The following PRKN variants were observed in gnomAD, a reference collection of about 807,000 sequenced individuals.
The protein encoded by PRKN is E3 ubiquitin-protein ligase parkin.
Under a neutral mutation model 59.5 loss-of-function variants are expected in PRKN, and 56 were observed. The observed-to-expected ratio is 0.94, with a 90% confidence interval of 0.76 to 1.18. The LOEUF (loss-of-function observed/expected upper bound fraction) is 1.18, where lower values mean the gene tolerates loss of function less well. Ranked by LOEUF, PRKN falls within the 50% of genes most tolerant of loss-of-function variation. The probability of loss-of-function intolerance (pLI) is 0.00; values close to 1 mark genes in which losing one functional copy is unlikely to be tolerated. For missense variants in PRKN, 657 were observed against 596.4 expected (o/e 1.10, Z -1.06); for synonymous variants, 250 against 222.1 (o/e 1.13, Z -1.12).
chr6:162,170,093 T>G (rs967192551), intron 4 of PRKN, among the ~76,000 whole-genome samples: 5 of 152,144 alleles, frequency 3.3e-5, no homozygotes, highest in Non-Finnish European at 7.4e-5. Flanking sequence ...GCTCCCTGGG[T>G]TTCCTATAAC....
At chr6:162,575,663 T>C (rs1489647444) in intron 1 of PRKN, among the ~76,000 whole-genome samples, 1 of 152,132 alleles carries the variant, frequency 6.6e-6, no homozygotes, top group East Asian at 1.9e-4. Flanking sequence ...AGACTACACA[T>C]CCACAACTGA....
At chr6:162,538,302 CAGG>C (rs2098522356) in intron 1 of PRKN, among the ~76,000 whole-genome samples, 2 of 152,022 alleles carry the variant, frequency 1.3e-5, no homozygotes, top group Non-Finnish European at 2.9e-5. Flanking sequence ...GAGACTGAGG[CAGG>C]AGAATAGCTT....
At chr6:161,426,593 T>C (rs1457264775) in intron 9 of PRKN, among the ~76,000 whole-genome samples, 1 of 150,388 alleles carries the variant, frequency 6.6e-6, no homozygotes. Flanking sequence ...AGATGGCCTA[T>C]TGTGGGACCT....
intron 6 of PRKN, among the ~76,000 whole-genome samples, chr6:161,874,073 T>TAATATATAATA (rs1794480845): frequency 2.3e-5 from 1 of 42,794 alleles, no homozygotes; most frequent in East Asian, 4.5e-4. Context: ...ATAATATATA[T>TAATATATAATA]TATATGTAAA....
intron 7 of PRKN, among the ~76,000 whole-genome samples, chr6:161,626,283 A>C (rs914344356): frequency 2.0e-5 from 3 of 152,008 alleles, no homozygotes; most frequent in Non-Finnish European, 2.9e-5. Flanking sequence ...TTTACTCTCT[A>C]CTACACTTAC....
At chr6:162,282,912 T>C (rs1327211760) in intron 2 of PRKN, among the ~76,000 whole-genome samples, 1 of 152,124 alleles carries the variant, frequency 6.6e-6, no homozygotes. Flanking sequence ...TTGATAATTT[T>C]AAAAAGACAC....
chr6:162,683,232 C>T (rs914113293), intron 1 of PRKN, among the ~76,000 whole-genome samples: 24 of 152,240 alleles, frequency 1.6e-4, no homozygotes, highest in African/African-American at 4.6e-4. Flanking sequence ...TAACCACAGA[C>T]GGCTATTTAA....
At chr6:161,408,867 T>A (rs1787396933) in intron 9 of PRKN, among the ~76,000 whole-genome samples, 1 of 152,202 alleles carries the variant, frequency 6.6e-6, no homozygotes, top group African/African-American at 2.4e-5. Flanking sequence ...ACTTTGCCCA[T>A]TTATATGCTA....
At position 162,020,211 on chromosome 6, in the gene PRKN, C is replaced by A. The variant is rs1045423080; in HGVS notation, c.618+33880G>T. Reference sequence around the variant, plus strand: ...GCTTAGAGAGCTCATTAGGCTCCAGCCCTGCAAATCTGTGACTGCAGTGCA... The same window carrying A: ...GCTTAGAGAGCTCATTAGGCTCCAGACCTGCAAATCTGTGACTGCAGTGCA... On this transcript the variant is annotated intron_variant, in intron 5 of 11. Coordinates refer to ENST00000366898, the MANE Select transcript of PRKN (RefSeq NM_004562.3). Among the ~76,000 whole-genome samples the A allele has an allele frequency of 6.6e-5, 10 of 151,656 alleles. 1 individual carries two copies. The highest frequency in any genetic ancestry group is 2.4e-4 in the African/African-American group (10 of 41,282).
At chr6:162,065,729 C>A (rs552968494) in intron 4 of PRKN, among the ~76,000 whole-genome samples, 25 of 152,148 alleles carry the variant, frequency 1.6e-4, no homozygotes, top group Non-Finnish European at 2.9e-4. Context: ...CAGCCCTCCA[C>A]CCCATGGCAG....
Position 162,553,422 on chromosome 6 carries a change from A to AG in PRKN, c.8-109950dup, listed in dbSNP as rs780014699. ...CTTATTAGAAGCAAGGGATAGATAT[A>AG]GGGGGGGTGCTGTAGAGAGTGGGAG... On this transcript the variant is annotated intron_variant, in intron 1 of 11. Coordinates refer to ENST00000366898, the MANE Select transcript of PRKN (RefSeq NM_004562.3). 1.6e-3 allele frequency among the ~76,000 whole-genome samples: 211 copies of AG among 131,770 alleles called. 1 individual carries two copies. Among genetic ancestry groups the AG allele is most frequent in the Middle Eastern group, 8.8e-3 (2 of 228 alleles). The allele number at this position is 131,770 out of a possible 152,430, so 86.4% of individuals were successfully genotyped here. A position where few individuals can be genotyped will look rare whatever the true frequency, so the allele number is the denominator to read the frequency against.
At chr6:162,447,232 G>A (rs914226165) in intron 1 of PRKN, among the ~76,000 whole-genome samples, 2 of 152,062 alleles carry the variant, frequency 1.3e-5, no homozygotes, top group African/African-American at 4.8e-5. Context: ...TGCTTGCATG[G>A]TAACTAAGGG....
At chr6:162,311,397 T>C (rs1782510418) in intron 2 of PRKN, among the ~76,000 whole-genome samples, 3 of 152,022 alleles carry the variant, frequency 2.0e-5, no homozygotes, top group Non-Finnish European at 4.4e-5. Flanking sequence ...TATTCTCCCC[T>C]GTAAAATCTA....
At chr6:162,536,372 C>A (rs746033360) in intron 1 of PRKN, among the ~76,000 whole-genome samples, 1 of 152,140 alleles carries the variant, frequency 6.6e-6, no homozygotes, top group African/African-American at 2.4e-5. Flanking sequence ...GTATTCTGCA[C>A]AGACCAATAT....
intron 4 of PRKN, among the ~76,000 whole-genome samples, chr6:162,095,405 G>A (rs1269825352): frequency 6.6e-6 from 1 of 152,100 alleles, no homozygotes; most frequent in East Asian, 1.9e-4. Context: ...GAATGAACTG[G>A]TTAGCTTTGA....
At chr6:162,282,494 T>C (rs1284754138) in intron 2 of PRKN, among the ~76,000 whole-genome samples, 1 of 152,184 alleles carries the variant, frequency 6.6e-6, no homozygotes, top group Non-Finnish European at 1.5e-5. Flanking sequence ...CTTGGCAGAA[T>C]TTATCAATGT....
intron 1 of PRKN, among the ~76,000 whole-genome samples, chr6:162,618,083 G>A (rs367933528): frequency 2.0e-5 from 3 of 152,112 alleles, no homozygotes; most frequent in Non-Finnish European, 4.4e-5. Context: ...TCTTTCTTTA[G>A]TGTCTTTATA....
At chr6:161,382,111 C>CAAAAAAAAAAAAAAAAAAAA (rs59174358) in intron 10 of PRKN, among the ~76,000 whole-genome samples, 1 of 46,278 alleles carries the variant, frequency 2.2e-5, no homozygotes, top group African/African-American at 6.8e-5. Flanking sequence ...GACTCCATCT[C>CAAAAAAAAAAAAAAAAAAAA]AAAAAAAAAA....
chr6:162,308,814 A>T lies in PRKN; in HGVS notation c.172-46049T>A, dbSNP rs577634785. Among the ~76,000 whole-genome samples the T allele has an allele frequency of 3.3e-5, 5 of 152,266 alleles. No homozygotes were observed. In the East Asian group the frequency reaches 5.8e-4, roughly 18 times the overall value. Reference sequence around the variant, plus strand: ...ATATTTTCTGGTGCCAGGGCAGCCCATCTTGCTTGACCTTTTTTACTTATG... The same window carrying T: ...ATATTTTCTGGTGCCAGGGCAGCCCTTCTTGCTTGACCTTTTTTACTTATG... On this transcript the variant is annotated intron_variant, in intron 2 of 11. Transcript: ENST00000366898.
Sources: allele counts gnomAD v4.1 joint callset (sites outside exome capture counted in the v4.1 genomes callset), GRCh38; gene constraint gnomAD v4.1.1; transcripts MANE v1.5; gene names NCBI Gene and HGNC (gene_info 2026-07-23, HGNC 2026-07-21).